Variants in TUSC3 observed in about 807,000 individuals in gnomAD.
The protein encoded by TUSC3 is dolichyl-diphosphooligosaccharide--protein glycosyltransferase subunit TUSC3.
Under a neutral mutation model 44.8 loss-of-function variants are expected in TUSC3, and 45 were observed. That is an observed-to-expected ratio of 1.00 (90% confidence interval 0.79 to 1.29). The LOEUF (loss-of-function observed/expected upper bound fraction) is 1.29, where lower values mean the gene tolerates loss of function less well. Among genes scored for constraint, TUSC3 ranks in the 50% most tolerant of loss-of-function variants. TUSC3 has a pLI of 0.00. For synonymous variants in TUSC3, 212 were observed against 152.9 expected, an observed-to-expected ratio of 1.39 and a Z score of -2.85; for missense variants, 519 against 437.9, an observed-to-expected ratio of 1.19 and a Z score of -1.65.
rs961621443 is a variant in TUSC3 at position 15,549,900 on chromosome 8, T to C, written c.138+9332T>C. On this transcript the variant is annotated intron_variant, in intron 1 of 10. Coordinates refer to ENST00000503731, the MANE Select transcript of TUSC3 (RefSeq NM_006765.4). ...CACTGAATTGTAGAAGGAAAGGGCTTCATTCAGCTGGGAGCATCAGCAGAC... is the reference window on the plus strand; with the variant it reads ...CACTGAATTGTAGAAGGAAAGGGCTCCATTCAGCTGGGAGCATCAGCAGAC... 2.0e-5 allele frequency among the ~76,000 whole-genome samples: 3 copies of C among 151,590 alleles called. 1 individual carries two copies. The highest frequency in any genetic ancestry group is 4.4e-5 in the Non-Finnish European group (3 of 67,844).
At chr8:15,778,204 CACCTGATTTCCATAAAG>C in the TUSC3 span, among the ~76,000 whole-genome samples, 1 of 152,114 alleles carries the variant, frequency 6.6e-6, no homozygotes, top group Non-Finnish European at 1.5e-5. Context: ...TTGCCTCTCC[CACCTGATTTCCATAAAG>C]ACCTGATTTA....
At chr8:15,523,071 C>G (rs1801318804) in intron 2 of TUSC3, among the ~76,000 whole-genome samples, 1 of 152,156 alleles carries the variant, frequency 6.6e-6, no homozygotes, top group African/African-American at 2.4e-5. Context: ...TGTTCCATCA[C>G]AAGTCATGGG....
intron 9 of TUSC3, among the ~76,000 whole-genome samples, chr8:15,753,935 T>A (rs1811814397): frequency 6.6e-6 from 1 of 151,994 alleles, no homozygotes; most frequent in East Asian, 1.9e-4. Flanking sequence ...GAAGAAGAAA[T>A]AATTCTGATA....
intron 6 of TUSC3, among the ~76,000 whole-genome samples, chr8:15,685,797 T>G (rs78784442): frequency 1.3e-5 from 2 of 152,242 alleles, no homozygotes; most frequent in Non-Finnish European, 2.9e-5. Context: ...TTGAGCAAAT[T>G]GGGCCTGACA....
At chr8:15,485,628 A>G (rs919500791) in intron 2 of TUSC3, among the ~76,000 whole-genome samples, 1 of 152,082 alleles carries the variant, frequency 6.6e-6, no homozygotes, top group African/African-American at 2.4e-5. Flanking sequence ...TCTCTCTTCT[A>G]TCTCTACTCC....
At chr8:15,729,380 G>A (rs1030238649) in intron 6 of TUSC3, among the ~76,000 whole-genome samples, 3 of 152,140 alleles carry the variant, frequency 2.0e-5, no homozygotes, top group Admixed American at 2.0e-4. Flanking sequence ...TCAGTTACTA[G>A]TTGTGCAATC....
chr8:15,468,197 T>C (rs1800439505), intron 1 of TUSC3, among the ~76,000 whole-genome samples: 2 of 152,134 alleles, frequency 1.3e-5, no homozygotes, highest in Admixed American at 1.3e-4. Flanking sequence ...GGTTGGTTGG[T>C]TTTGGTTTTT....
At chr8:15,538,287 A>G (rs919785380), upstream of TUSC3, among the ~76,000 whole-genome samples, 10 of 152,356 alleles carry the variant, frequency 6.6e-5, no homozygotes, top group South Asian at 2.1e-4. Context: ...CTTTCTGAAC[A>G]CTTCTGGTTC....
chr8:15,718,896 A>T lies in TUSC3; in HGVS notation c.799-11770A>T, dbSNP rs1227414224. ...CCTTTTGTATAAAAACACACAGTAA[A>T]CAAGAAATCTTGTCGTTCTTCCTTC... On this transcript the variant is annotated intron_variant, in intron 6 of 10. Transcript: ENST00000503731. 2.6e-5 allele frequency among the ~76,000 whole-genome samples: 4 copies of T among 152,104 alleles called. No individual in the cohort carries two copies. The East Asian group carries it at 5.8e-4, about 22-fold the overall frequency.
intron 2 of TUSC3, among the ~76,000 whole-genome samples, chr8:15,517,490 C>T (rs995942718): frequency 1.7e-5 from 2 of 116,272 alleles, no homozygotes; most frequent in Admixed American, 1.2e-4. Flanking sequence ...AATCTAAATG[C>T]TTGTGAGAGC....
At chr8:15,601,490 C>CA (rs1330160216) in intron 1 of TUSC3, among the ~76,000 whole-genome samples, 1 of 151,704 alleles carries the variant, frequency 6.6e-6, no homozygotes, top group African/African-American at 2.4e-5. Flanking sequence ...GACAGCAAAA[C>CA]TGAGATGCTT....
chr8:15,623,025 T>G, intron 1 of TUSC3, 55 bp from the exon 2 acceptor site: 2 of 1,564,796 alleles, frequency 1.3e-6, no homozygotes, highest in Non-Finnish European at 8.7e-7. Context: ...TATATGAAAT[T>G]CAAACAAAAG....
intron 9 of TUSC3, among the ~76,000 whole-genome samples, chr8:15,754,385 G>A (rs1039087992): frequency 2.0e-5 from 3 of 152,000 alleles, no homozygotes; most frequent in African/African-American, 7.2e-5. Flanking sequence ...TCTCAACCAA[G>A]ACTCTATCCT....
chr8:15,503,498 A>C (rs546199872), intron 2 of TUSC3, among the ~76,000 whole-genome samples: 1 of 152,192 alleles, frequency 6.6e-6, no homozygotes, highest in East Asian at 1.9e-4. Context: ...TTTTCAATTT[A>C]AGTAGGCTTT....
At chr8:15,482,958 T>G (rs2129124685) in intron 1 of TUSC3, among the ~76,000 whole-genome samples, 1 of 152,262 alleles carries the variant, frequency 6.6e-6, no homozygotes, top group South Asian at 2.1e-4. Flanking sequence ...AAGACCTGTA[T>G]AAAACACTGG....
At chr8:15,667,844 A>C (rs1486274304) in intron 5 of TUSC3, among the ~76,000 whole-genome samples, 1 of 151,804 alleles carries the variant, frequency 6.6e-6, no homozygotes, top group Non-Finnish European at 1.5e-5. Flanking sequence ...AATAGTTAAA[A>C]GCAAAGTTGC....
intron 1 of TUSC3, 96 bp from the exon 2 acceptor site, chr8:15,622,984 A>T: frequency 8.0e-7 from 1 of 1,257,276 alleles, no homozygotes; most frequent in Non-Finnish European, 1.1e-6. Context: ...GGATATCATT[A>T]GGAAAAAGAA....
intron 1 of TUSC3, among the ~76,000 whole-genome samples, chr8:15,582,767 CAACTCGAAGA>C (rs1585124050): frequency 6.6e-6 from 1 of 152,206 alleles, no homozygotes. Flanking sequence ...CAACCTGCCT[CAACTCGAAGA>C]TTAGTCTTAA....
At chr8:15,833,916 G>T in the TUSC3 span, among the ~76,000 whole-genome samples, 1 of 151,796 alleles carries the variant, frequency 6.6e-6, no homozygotes, top group Non-Finnish European at 1.5e-5. Flanking sequence ...TTAATATAGA[G>T]AACGTTTACT....
Sources: allele counts gnomAD v4.1 joint callset (sites outside exome capture counted in the v4.1 genomes callset), GRCh38; gene constraint gnomAD v4.1.1; transcripts MANE v1.5; gene names NCBI Gene and HGNC (gene_info 2026-07-23, HGNC 2026-07-21).